HEATR5B: variants seen among roughly 807,000 people sequenced by gnomAD.
HEATR5B encodes HEAT repeat containing 5B.
A neutral mutation model predicts 224.1 loss-of-function variants in HEATR5B; 156 were observed. The observed-to-expected ratio is 0.70, with a 90% CI of 0.61 to 0.80. The LOEUF (loss-of-function observed/expected upper bound fraction) is 0.80, where lower values mean the gene tolerates loss of function less well. Ranked by LOEUF, HEATR5B falls within the 30% of genes least tolerant of loss-of-function variation. The pLI is 0.00. For synonymous variants in HEATR5B, 1,027 were observed against 893.0 expected (o/e 1.15, Z -2.68); for missense variants, 2,323 against 2,535.5 (o/e 0.92, Z 1.80).
intron 28 of HEATR5B, 181 bp downstream of exon 28, chr2:37,008,430 T>C: frequency 1.7e-6 from 1 of 605,040 alleles, no homozygotes; most frequent in Non-Finnish European, 2.9e-6. Context: ...AAAAAAGCTC[T>C]ATATCTTCTA....
intron 24 of HEATR5B, among the ~76,000 whole-genome samples, chr2:37,024,952 G>A (rs991685880): frequency 2.6e-5 from 4 of 152,198 alleles, no homozygotes; most frequent in African/African-American, 7.2e-5. Flanking sequence ...GTGGGAATGA[G>A]AAGGGGACTG....
intron 21 of HEATR5B, among the ~76,000 whole-genome samples, chr2:37,036,269 CT>C (rs1342923121): frequency 1.3e-5 from 2 of 152,202 alleles, no homozygotes; most frequent in African/African-American, 4.8e-5. Flanking sequence ...TGTAGAAAGT[CT>C]GCGTGATATG....
At chr2:36,990,426 T>C (rs1666251506) in intron 34 of HEATR5B, among the ~76,000 whole-genome samples, 1 of 152,202 alleles carries the variant, frequency 6.6e-6, no homozygotes, top group Non-Finnish European at 1.5e-5. Flanking sequence ...GCCCTGGGGT[T>C]AATCAAATAT....
chr2:37,061,597 G>A (rs1432128999), intron 11 of HEATR5B, among the ~76,000 whole-genome samples: 1 of 152,124 alleles, frequency 6.6e-6, no homozygotes, highest in African/African-American at 2.4e-5. Flanking sequence ...AATTAAATGT[G>A]ACTTTACCAC....
In HEATR5B at chr2:37,027,911, T is replaced by G. The variant is rs750464986; in HGVS notation, c.3853+12A>C. 11 of 1,609,082 alleles carry G rather than the reference T, an allele frequency of 6.8e-6. No individual in the cohort carries two copies. Among genetic ancestry groups the G allele is most frequent in the Non-Finnish European group, 9.3e-6 (11 of 1,176,866 alleles). ...AAATGCTTTGGGGAAAAAGTACTGA[T>G]TTTAAATTTACTTGTAGGGTTTCGA... On this transcript the variant is annotated intron_variant, in intron 24 of 35. Coordinates refer to ENST00000233099, the MANE Select transcript of HEATR5B (RefSeq NM_019024.3).
At chr2:36,991,839 T>C (rs1353059975) in intron 33 of HEATR5B, among the ~76,000 whole-genome samples, 3 of 152,132 alleles carry the variant, frequency 2.0e-5, no homozygotes, top group Non-Finnish European at 2.9e-5. Context: ...CATTATCTCA[T>C]AATAAGGGTA....
At chr2:36,993,129 G>C (rs1256348438) in intron 33 of HEATR5B, among the ~76,000 whole-genome samples, 1 of 152,144 alleles carries the variant, frequency 6.6e-6, no homozygotes, top group East Asian at 1.9e-4. Flanking sequence ...TTCTAGAACA[G>C]TGAGGGGGAA....
At chr2:37,069,371 C>T (rs537335226) in intron 7 of HEATR5B, among the ~76,000 whole-genome samples, 1 of 152,240 alleles carries the variant, frequency 6.6e-6, no homozygotes, top group Non-Finnish European at 1.5e-5. Flanking sequence ...ATGATTTTGA[C>T]TAAAATCGTG....
At chr2:36,991,925 T>TA (rs1666357571) in intron 33 of HEATR5B, among the ~76,000 whole-genome samples, 1 of 152,074 alleles carries the variant, frequency 6.6e-6, no homozygotes, top group South Asian at 2.1e-4. Context: ...TGTAAAGAAA[T>TA]AAAGTTTAAA....
chr2:37,033,083 G>A (rs1384037065), intron 21 of HEATR5B, among the ~76,000 whole-genome samples: 7 of 151,716 alleles, frequency 4.6e-5, no homozygotes, highest in Admixed American at 2.6e-4. Flanking sequence ...TTTTCACCAC[G>A]TTGGCCAGGC....
intron 33 of HEATR5B, among the ~76,000 whole-genome samples, chr2:36,993,887 A>G (rs1666508870): frequency 6.6e-6 from 1 of 152,180 alleles, no homozygotes; most frequent in South Asian, 2.1e-4. Context: ...GATGGCTGGT[A>G]TTCTTCAACA....
intron 24 of HEATR5B, among the ~76,000 whole-genome samples, chr2:37,022,870 C>G (rs923240270): frequency 6.6e-6 from 1 of 151,972 alleles, no homozygotes; most frequent in African/African-American, 2.4e-5. Flanking sequence ...ACATCAAAAT[C>G]CAGCACTAAT....
intron 30 of HEATR5B, 68 bp downstream of exon 30, chr2:37,005,564 T>A (rs1012470333): frequency 1.4e-6 from 2 of 1,453,620 alleles, no homozygotes; most frequent in African/African-American, 2.8e-5. Flanking sequence ...AAATCCATCC[T>A]TTTTTCCATT....
At chr2:37,005,924 C>G (rs975539229) in intron 29 of HEATR5B, among the ~76,000 whole-genome samples, 165 bp from the exon 30 acceptor site, 2 of 107,504 alleles carry the variant, frequency 1.9e-5, no homozygotes, top group East Asian at 4.0e-4. Context: ...CAGCCAAACT[C>G]AACATAAGGT....
intron 8 of HEATR5B, among the ~76,000 whole-genome samples, chr2:37,068,168 A>C (rs1671699607): frequency 1.3e-5 from 2 of 152,216 alleles, no homozygotes; most frequent in African/African-American, 2.4e-5. Context: ...ATAACTATTT[A>C]TTAAATTGAA....
chr2:37,080,821 CAAG>C (rs1394391609), intron 2 of HEATR5B, among the ~76,000 whole-genome samples: 4 of 147,606 alleles, frequency 2.7e-5, no homozygotes, highest in Non-Finnish European at 6.0e-5. Flanking sequence ...TAAAAAAGAA[CAAG>C]AAGTAGTAGT....
intron 18 of HEATR5B, among the ~76,000 whole-genome samples, chr2:37,045,901 T>G (rs1245450207): frequency 1.3e-5 from 2 of 152,236 alleles, no homozygotes; most frequent in Non-Finnish European, 2.9e-5. Context: ...TCAAAACTGT[T>G]GTTTCATTTA....
chr2:37,014,281 C>T (rs1302144312), intron 26 of HEATR5B, among the ~76,000 whole-genome samples: 3 of 152,022 alleles, frequency 2.0e-5, no homozygotes, highest in African/African-American at 7.2e-5. Flanking sequence ...CCTGCCTCAG[C>T]CTCCCAAGTA....
Position 37,064,931 on chromosome 2 carries a change from C to G in HEATR5B, c.1393G>C (p.Ala465Pro), listed in dbSNP as rs761267952. 1.9e-6 allele frequency: 3 copies of G among 1,614,132 alleles called. No homozygotes were observed. The highest frequency in any genetic ancestry group is 2.5e-6 in the Non-Finnish European group (3 of 1,180,016). The part of the protein sequence containing the change: ...LHPSMAARLA[A>P]AWCLRCVAVA... ...GCCACACAGCGCAAACACCATGCAG[C>G]AGCAAGTCGGGCAGCCATGCTTGGA... The change falls in exon 10 of 36, where the codon GCT (alanine) becomes CCT (proline). Residue 465 changes from alanine to proline, a missense_variant. Around this residue, in one of 12 missense-constraint regions of HEATR5B, gnomAD observed 502 missense variants for 517.8 expected, o/e 0.97. Transcript: ENST00000233099.
Sources: gnomAD v4.1 joint callset for allele counts (sites outside exome capture counted in the v4.1 genomes callset) on GRCh38, gnomAD v4.1.1 for gene constraint, gnomAD v4.1.1 regional missense constraint, MANE v1.5 for transcripts, NCBI Gene and HGNC (gene_info 2026-07-23, HGNC 2026-07-21) for gene names.